Variants in KCNA2 observed in about 807,000 individuals in gnomAD.
The protein encoded by KCNA2 is potassium voltage-gated channel subfamily A member 2, also known as potassium channel, voltage gated shaker related subfamily A, member 2.
A neutral mutation model predicts 33.4 loss-of-function variants in KCNA2; 11 were observed. The ratio of observed to expected loss-of-function variants is 0.33; its 90% CI spans 0.21 to 0.55. The LOEUF is 0.55. KCNA2 is among the 20% of genes least tolerant of loss of function. The probability of loss-of-function intolerance (pLI) is 0.93; values close to 1 mark genes in which losing one functional copy is unlikely to be tolerated. For missense variants in KCNA2, 291 were observed against 621.6 expected (o/e 0.47, Z 5.66); for synonymous variants, 222 against 231.3 (o/e 0.96, Z 0.37).
chr1:110,600,019 G>A lies in KCNA2; in HGVS notation c.*3264C>T. 1.0e-6 allele frequency: 1 copy of A among 985,118 alleles called. No homozygotes were observed. The highest frequency in any genetic ancestry group is 1.2e-6 in the Non-Finnish European group (1 of 829,894). The allele number at this position is 985,118 out of a possible 1,614,324, so 61.0% of individuals were successfully genotyped here. A position where few individuals can be genotyped will look rare whatever the true frequency, so the allele number is the denominator to read the frequency against. ...CCATCCTCCTGCTTGAAACCTAGGAGTTACTTCTCAGGAGTGAAATCTGGT... is the reference window on the plus strand; with the variant it reads ...CCATCCTCCTGCTTGAAACCTAGGAATTACTTCTCAGGAGTGAAATCTGGT... On this transcript the variant is annotated 3_prime_UTR_variant, in exon 3 of 3. Transcript: ENST00000316361.
At chr1:110,618,577 A>G (rs1463449145) in intron 1 of KCNA2, among the ~76,000 whole-genome samples, 2 of 152,176 alleles carry the variant, frequency 1.3e-5, no homozygotes, top group Non-Finnish European at 2.9e-5. Flanking sequence ...GAGAGCCACG[A>G]AAGGAACATA....
rs991908033 is a variant in KCNA2 at position 110,597,165 on chromosome 1, C to T, written c.*6118G>A. On this transcript the variant is annotated 3_prime_UTR_variant, in exon 3 of 3. Coordinates refer to ENST00000316361, the MANE Select transcript of KCNA2 (RefSeq NM_004974.4). Reference sequence around the variant, plus strand: ...TTGAAAGAGAGTCAGAGGGCAATTCCCAAATCTGCCCAGGCTACTGATCCC... The same window carrying T: ...TTGAAAGAGAGTCAGAGGGCAATTCTCAAATCTGCCCAGGCTACTGATCCC... 2 of 985,282 alleles carry T rather than the reference C, an allele frequency of 2.0e-6. No individual in the cohort carries two copies. The highest frequency in any genetic ancestry group is 1.7e-5 in the African/African-American group (1 of 57,204). 61.0% of individuals were successfully genotyped at this position (985,282 alleles called of 1,614,324 possible). A position where few individuals can be genotyped will look rare whatever the true frequency, so the allele number is the denominator to read the frequency against.
At chr1:110,610,500 C>A (rs1003992020), upstream of KCNA2, among the ~76,000 whole-genome samples, 3 of 152,202 alleles carry the variant, frequency 2.0e-5, no homozygotes, top group Non-Finnish European at 4.4e-5. Context: ...TGATTTAATC[C>A]TTGCAACCAG....
chr1:110,602,886 G>A lies in KCNA2; in HGVS notation c.*397C>T. On this transcript the variant is annotated 3_prime_UTR_variant, in exon 3 of 3. Transcript: ENST00000316361. ...CTAAGCCATGATTGTGTTCCTCTGT[G>A]AAAGGGCAGGTGGGCTCAAATAAGG... 1 of 1,025,000 alleles carries A rather than the reference G, an allele frequency of 9.8e-7. No homozygotes were observed. Among genetic ancestry groups the A allele is most frequent in the East Asian group, 9.5e-5 (1 of 10,572 alleles). 63.5% of individuals were successfully genotyped at this position (1,025,000 alleles called of 1,614,324 possible). A position where few individuals can be genotyped will look rare whatever the true frequency, so the allele number is the denominator to read the frequency against.
chr1:110,606,705 C>G (rs1229931993), upstream of KCNA2: 1 of 152,310 alleles, frequency 6.6e-6, no homozygotes, highest in Non-Finnish European at 1.5e-5. Context: ...CAGTGTCCAA[C>G]CCAAAATCCC....
intron 1 of KCNA2, 112 bp from the exon 2 acceptor site, chr1:110,605,834 C>T (rs1478141204): frequency 6.6e-6 from 1 of 152,300 alleles, no homozygotes; most frequent in Non-Finnish European, 1.5e-5. Context: ...CCATGCCCAT[C>T]CTCTATTCTG....
chr1:110,605,362 G>A (rs1214759555), intron 2 of KCNA2, 29 bp downstream of exon 2: 1 of 153,492 alleles, frequency 6.5e-6, no homozygotes, highest in Admixed American at 6.5e-5. Context: ...TTCTACACAA[G>A]GCTGTTATTA....
intron 1 of KCNA2, among the ~76,000 whole-genome samples, chr1:110,618,274 G>A (rs1650135661): frequency 6.6e-6 from 1 of 152,244 alleles, no homozygotes; most frequent in Admixed American, 6.5e-5. Context: ...TTGAGTCCAA[G>A]AGTTCGAGGT....
intron 1 of KCNA2, among the ~76,000 whole-genome samples, chr1:110,612,801 C>T (rs1187168472): frequency 6.6e-6 from 1 of 152,202 alleles, no homozygotes; most frequent in Admixed American, 6.5e-5. Flanking sequence ...CCCTCTAAAC[C>T]TCCATCCTGG....
Position 110,601,901 on chromosome 1 carries a change from C to A in KCNA2, c.*1382G>T. 1 of 1,452,436 alleles carries A rather than the reference C, an allele frequency of 6.9e-7. No homozygotes were observed. The highest frequency in any genetic ancestry group is 1.4e-5 in the South Asian group (1 of 69,166). The allele number at this position is 1,452,436 out of a possible 1,614,324, so 90.0% of individuals were successfully genotyped here. A position where few individuals can be genotyped will look rare whatever the true frequency, so the allele number is the denominator to read the frequency against. On this transcript the variant is annotated 3_prime_UTR_variant, in exon 3 of 3. Transcript: ENST00000316361. ...ATAGTCAAACACATGCATAAATTGC[C>A]CTTTGTCAAAAATATTGCATAAGCT...
At position 110,602,345 on chromosome 1, in the gene KCNA2, T is replaced by A. The variant is rs2101389733; in HGVS notation, c.*938A>T. 7.0e-7 allele frequency: 1 copy of A among 1,420,472 alleles called. No individual in the cohort carries two copies. Among genetic ancestry groups the A allele is most frequent in the South Asian group, 1.6e-5 (1 of 62,708 alleles). The allele number at this position is 1,420,472 out of a possible 1,614,324, so 88.0% of individuals were successfully genotyped here. On this transcript the variant is annotated 3_prime_UTR_variant, in exon 3 of 3. Transcript: ENST00000316361. ...CTCTAAATATTAACACTGTGTAGGC[T>A]ACTAGGAAAATAGGTTATCTCCTGT... is the stretch of plus-strand genomic sequence containing the variant.
In KCNA2 at chr1:110,595,870, T is replaced by A; in HGVS notation, c.*7413A>T. The A allele has an allele frequency of 1.0e-6, 1 of 985,402 alleles. No homozygotes were observed. Among genetic ancestry groups the A allele is most frequent in the Non-Finnish European group, 1.2e-6 (1 of 829,926 alleles). 61.0% of individuals were successfully genotyped at this position (985,402 alleles called of 1,614,324 possible). A position where few individuals can be genotyped will look rare whatever the true frequency, so the allele number is the denominator to read the frequency against. ...TTTCAGATCTCACAAACCTCAAACC[T>A]AGGGCACCACCAATGACAAAGAGAA... On this transcript the variant is annotated 3_prime_UTR_variant, in exon 3 of 3. Coordinates refer to ENST00000316361, the MANE Select transcript of KCNA2 (RefSeq NM_004974.4).
At chr1:110,631,011 T>A (rs1215088428) in intron 1 of KCNA2, among the ~76,000 whole-genome samples, 3 of 152,252 alleles carry the variant, frequency 2.0e-5, no homozygotes, top group Non-Finnish European at 4.4e-5. Flanking sequence ...AGCACAGGTC[T>A]GGCCTTGGTC....
At chr1:110,628,830 G>A (rs529223449) in intron 1 of KCNA2, among the ~76,000 whole-genome samples, 2 of 152,282 alleles carry the variant, frequency 1.3e-5, no homozygotes, top group Admixed American at 1.3e-4. Flanking sequence ...ATCCTTCAGA[G>A]CAGAGATGGA....
chr1:110,599,947 C>G lies in KCNA2; in HGVS notation c.*3336G>C. ...GGGAGGAAGGTGAATTGGTAGAGAC[C>G]CCATGCAATTCCTGGTCTTAGTCAG... On this transcript the variant is annotated 3_prime_UTR_variant, in exon 3 of 3. Transcript: ENST00000316361. 3.0e-6 allele frequency: 3 copies of G among 985,262 alleles called. No individual in the cohort carries two copies. In the African/African-American group the frequency reaches 5.2e-5, roughly 17 times the overall value. 61.0% of individuals were successfully genotyped at this position (985,262 alleles called of 1,614,324 possible). A position where few individuals can be genotyped will look rare whatever the true frequency, so the allele number is the denominator to read the frequency against.
In KCNA2 at chr1:110,596,578, A is replaced by T; in HGVS notation, c.*6705T>A. On this transcript the variant is annotated 3_prime_UTR_variant, in exon 3 of 3. Transcript: ENST00000316361. ...TCTTTGGTCTTCTCTACCTATGTCC[A>T]CTACTGTACAATAAGCATTGAGGTT... is the stretch of plus-strand genomic sequence containing the variant. 1 of 260,766 alleles carries T rather than the reference A, an allele frequency of 3.8e-6. No individual in the cohort carries two copies. Among genetic ancestry groups the T allele is most frequent in the Non-Finnish European group, 6.0e-6 (1 of 167,524 alleles). The allele number at this position is 260,766 out of a possible 1,614,324, so 16.2% of individuals were successfully genotyped here.
Position 110,625,983 on chromosome 1 carries a change from T to C in KCNA2, c.-496+5412A>G, listed in dbSNP as rs1224652179. The stretch of plus-strand genomic sequence containing the variant: ...CTGTGCTCTGAAGAAACAGGCCCTC[T>C]CATTCATATATTGTTGGTGGGAGTG... On this transcript the variant is annotated intron_variant, in intron 1 of 4. Transcript: ENST00000369770. 2.6e-5 allele frequency among the ~76,000 whole-genome samples: 4 copies of C among 152,202 alleles called. No homozygotes were observed. The East Asian group carries it at 7.7e-4, about 29-fold the overall frequency.
Position 110,596,171 on chromosome 1 carries a change from G to T in KCNA2, c.*7112C>A. 2.0e-6 allele frequency: 2 copies of T among 985,040 alleles called. No homozygotes were observed. Among genetic ancestry groups the T allele is most frequent in the Non-Finnish European group, 2.4e-6 (2 of 829,688 alleles). The allele number at this position is 985,040 out of a possible 1,614,324, so 61.0% of individuals were successfully genotyped here. ...AGGTCCCTAAGCAGAAAAAAAAAGA[G>T]TAGAACTGGAGAGGTGAAAAGAATG... On this transcript the variant is annotated 3_prime_UTR_variant, in exon 3 of 3. Transcript: ENST00000316361.
intron 1 of KCNA2, among the ~76,000 whole-genome samples, chr1:110,631,061 C>T (rs1029439225): frequency 7.2e-5 from 11 of 152,046 alleles, no homozygotes; most frequent in African/African-American, 2.7e-4. Flanking sequence ...GGGATTGGTC[C>T]CTTCCTTTCC....
Sources: gnomAD v4.1 joint callset for allele counts (sites outside exome capture counted in the v4.1 genomes callset) on GRCh38, gnomAD v4.1.1 for gene constraint, MANE v1.5 for transcripts, NCBI Gene and HGNC (gene_info 2026-07-23, HGNC 2026-07-21) for gene names.